The following CR1L variants were observed in gnomAD, a reference collection of about 807,000 sequenced individuals.
CR1L encodes complement component receptor 1-like protein.
CR1L carries 59 observed loss-of-function variants against 62.3 expected under a neutral mutation model. That is an observed-to-expected ratio of 0.95 (90% CI 0.77 to 1.18). The LOEUF is 1.18. Ranked by LOEUF, CR1L falls within the 50% of genes most tolerant of loss-of-function variation. The probability of loss-of-function intolerance (pLI) is 0.00; values close to 1 mark genes in which losing one functional copy is unlikely to be tolerated. For missense variants in CR1L, 700 were observed against 702.8 expected (o/e 1.00, Z 0.04); for synonymous variants, 279 against 248.7 (o/e 1.12, Z -1.15).
intron 8 of CR1L, 133 bp downstream of exon 8, chr1:207,699,407 A>G (rs1245441751): frequency 4.5e-6 from 5 of 1,122,938 alleles, no homozygotes; most frequent in Non-Finnish European, 6.4e-6. Flanking sequence ...TTATTTTAGT[A>G]ATGTTTGGTT....
chr1:207,692,703 C>T (rs2102467391), intron 4 of CR1L, among the ~76,000 whole-genome samples: 2 of 151,576 alleles, frequency 1.3e-5, no homozygotes, highest in Middle Eastern at 6.8e-3. Flanking sequence ...AAGGCATTGG[C>T]CGATGGATCC....
At chr1:207,701,795 G>A (rs549755774) in intron 9 of CR1L, 177 bp downstream of exon 9, 309 of 938,042 alleles carry the variant, frequency 3.3e-4, no homozygotes, top group Non-Finnish European at 4.5e-4. Flanking sequence ...AAAAATCTGT[G>A]TCCTTGCTGG....
At chr1:207,704,425 T>C (rs1664239618) in intron 9 of CR1L, among the ~76,000 whole-genome samples, 1 of 152,220 alleles carries the variant, frequency 6.6e-6, no homozygotes, top group Admixed American at 6.5e-5. Flanking sequence ...GAATATTACA[T>C]AAACTAAGTT....
chr1:207,647,056 C>G lies in CR1L; in HGVS notation c.97+1726C>G, dbSNP rs186552515. 8.5e-5 allele frequency among the ~76,000 whole-genome samples: 13 copies of G among 152,106 alleles called. No individual in the cohort carries two copies. In the East Asian group the frequency reaches 2.5e-3, roughly 29 times the overall value. ...GTACATGCAGGAAGATAAGCAGGGA[C>G]TTTTTTTGCTCATTGTTAAGTGCTT... On this transcript the variant is annotated intron_variant, in intron 1 of 11. Transcript: ENST00000508064.
chr1:207,698,852 G>C (rs568433573), intron 7 of CR1L, among the ~76,000 whole-genome samples: 1 of 152,134 alleles, frequency 6.6e-6, no homozygotes, highest in African/African-American at 2.4e-5. Flanking sequence ...TCAGAGTTAC[G>C]AAGGCATTGC....
intron 4 of CR1L, among the ~76,000 whole-genome samples, chr1:207,686,092 CTCCT>C (rs1463455706): frequency 2.9e-5 from 2 of 68,028 alleles, no homozygotes; most frequent in African/African-American, 5.6e-5. Flanking sequence ...CCCTTCCTCC[CTCCT>C]TTCCTTCCTT....
chr1:207,658,858 CA>C (rs1380906815), intron 1 of CR1L: 1 of 152,376 alleles, frequency 6.6e-6, no homozygotes, highest in African/African-American at 2.4e-5. Context: ...GATGGACAGC[CA>C]GGGGGAAAAT....
At position 207,664,931 on chromosome 1, in the gene CR1L, G is replaced by A. The variant is rs188875409; in HGVS notation, c.98-12458G>A. 2.0e-5 allele frequency among the ~76,000 whole-genome samples: 3 copies of A among 152,268 alleles called. No individual in the cohort carries two copies. The East Asian group carries it at 5.8e-4, about 29-fold the overall frequency. On this transcript the variant is annotated intron_variant, in intron 1 of 11. Coordinates refer to ENST00000508064, the MANE Select transcript of CR1L (RefSeq NM_175710.2). The stretch of plus-strand genomic sequence containing the variant: ...AAAAGAGGAAGATGTAAATTATGTA[G>A]TATAATACCACTTAACAGTTTTTTA...
intron 1 of CR1L, among the ~76,000 whole-genome samples, chr1:207,647,761 G>T (rs753047884): frequency 1.3e-5 from 2 of 152,172 alleles, no homozygotes; most frequent in Non-Finnish European, 2.9e-5. Context: ...CTGAGGGCCA[G>T]AAAGGATCTG....
intron 10 of CR1L, chr1:207,710,288 A>C: frequency 1.3e-6 from 1 of 752,454 alleles, no homozygotes; most frequent in East Asian, 2.7e-5. Flanking sequence ...GATTGCAGTG[A>C]GCCATGATCG....
rs776531663 is a variant in CR1L at position 207,717,559 on chromosome 1, T to A, written c.1510T>A (p.Cys504Ser). 47 of 1,613,768 alleles carry A rather than the reference T, an allele frequency of 2.9e-5. 1 individual carries two copies. The South Asian group carries it at 4.6e-4, about 16-fold the overall frequency. Residue 504 changes from cysteine to serine, a missense_variant, in exon 11 of 12, where the codon TGT becomes AGT. Cys to Ser is a moderately radical substitution (Grantham distance 112). Transcript: ENST00000508064. ...CTATGGAAAAGAAGTATCTTACACA[T>A]GTGACCCCCACCCAGACAGAGGGAT... ...IPYGKEVSYT[C>S]DPHPDRGMTF...
intron 3 of CR1L, among the ~76,000 whole-genome samples, chr1:207,683,626 CT>C (rs1663842959): frequency 6.6e-6 from 1 of 152,124 alleles, no homozygotes; most frequent in African/African-American, 2.4e-5. Flanking sequence ...TGTAACTCAT[CT>C]TTGATTTATA....
intron 9 of CR1L, among the ~76,000 whole-genome samples, chr1:207,702,543 GC>G (rs1664210420): frequency 2.0e-5 from 3 of 152,234 alleles, no homozygotes; most frequent in Admixed American, 1.3e-4. Flanking sequence ...GGCCTCATGT[GC>G]CAAACAGCTA....
chr1:207,716,905 AG>A (rs1327766142), intron 10 of CR1L, among the ~76,000 whole-genome samples: 8 of 152,246 alleles, frequency 5.3e-5, no homozygotes, highest in African/African-American at 1.9e-4. Flanking sequence ...AAAGAAAAAA[AG>A]CCTCTTTGGC....
intron 1 of CR1L, chr1:207,655,264 C>A: frequency 4.3e-6 from 3 of 698,814 alleles, no homozygotes; most frequent in South Asian, 1.6e-5. Context: ...AGTAAGCCCC[C>A]AATATGTGAA....
chr1:207,719,276 TA>T lies in CR1L; in HGVS notation c.1642+1596del, dbSNP rs56207700. ...AGTATAATTTAAAAAAAAAAAACATTAAAAAAAAAAAGAAAAATAAATAACA... is the reference window on the plus strand; with the variant it reads ...AGTATAATTTAAAAAAAAAAAACATTAAAAAAAAAAGAAAAATAAATAACA... On this transcript the variant is annotated intron_variant, in intron 11 of 11. Coordinates refer to ENST00000508064, the MANE Select transcript of CR1L (RefSeq NM_175710.2). 7.6e-4 allele frequency among the ~76,000 whole-genome samples: 106 copies of T among 139,008 alleles called. 1 individual carries two copies. Among genetic ancestry groups the T allele is most frequent in the Middle Eastern group, 7.4e-3 (2 of 272 alleles). The allele number at this position is 139,008 out of a possible 152,430, so 91.2% of individuals were successfully genotyped here.
intron 5 of CR1L, among the ~76,000 whole-genome samples, chr1:207,695,675 A>C (rs1410491390): frequency 6.6e-6 from 1 of 152,218 alleles, no homozygotes; most frequent in Non-Finnish European, 1.5e-5. Flanking sequence ...ATTTATAAAG[A>C]AAAGAGGTTT....
chr1:207,698,114 C>A (rs1664134747), intron 7 of CR1L, among the ~76,000 whole-genome samples: 1 of 151,972 alleles, frequency 6.6e-6, no homozygotes, highest in Non-Finnish European at 1.5e-5. Flanking sequence ...AATTCAAAGA[C>A]AAGTATAATT....
chr1:207,645,738 C>G (rs543091893), intron 1 of CR1L, among the ~76,000 whole-genome samples: 1 of 152,120 alleles, frequency 6.6e-6, no homozygotes, highest in Non-Finnish European at 1.5e-5. Flanking sequence ...GCCCTGTGTT[C>G]CCTTGGTGCC....
Sources: allele counts gnomAD v4.1 joint callset (sites outside exome capture counted in the v4.1 genomes callset), GRCh38; gene constraint gnomAD v4.1.1; transcripts MANE v1.5; gene names NCBI Gene and HGNC (gene_info 2026-07-23, HGNC 2026-07-21).